Variants in TMEM117 observed in about 807,000 individuals in gnomAD.
The protein encoded by TMEM117 is transmembrane protein 117.
TMEM117 carries 27 observed loss-of-function variants against 52.4 expected under a neutral mutation model. The observed-to-expected ratio is 0.51, with a 90% CI of 0.38 to 0.71. The LOEUF (loss-of-function observed/expected upper bound fraction) is 0.71, where lower values mean the gene tolerates loss of function less well. TMEM117 is among the 30% of genes least tolerant of loss of function. TMEM117 has a pLI of 0.00. For synonymous variants in TMEM117, 215 were observed against 206.3 expected, an observed-to-expected ratio of 1.04 and a Z score of -0.36; for missense variants, 556 against 630.5, an observed-to-expected ratio of 0.88 and a Z score of 1.26.
At chr12:44,071,784 G>A (rs1379376377) in intron 3 of TMEM117, among the ~76,000 whole-genome samples, 1 of 152,128 alleles carries the variant, frequency 6.6e-6, no homozygotes, top group Non-Finnish European at 1.5e-5. Flanking sequence ...AATGGCATGT[G>A]TTGTGGCCTG....
At chr12:43,921,638 T>C (rs1009535838) in intron 2 of TMEM117, among the ~76,000 whole-genome samples, 9 of 152,238 alleles carry the variant, frequency 5.9e-5, no homozygotes, top group African/African-American at 1.9e-4. Flanking sequence ...TATTCTCATA[T>C]ATTAAATTTG....
At chr12:44,119,815 C>G (rs139614263) in intron 3 of TMEM117, among the ~76,000 whole-genome samples, 3 of 152,228 alleles carry the variant, frequency 2.0e-5, no homozygotes, top group Non-Finnish European at 2.9e-5. Flanking sequence ...GGCAATAGTA[C>G]CTCTTTAAAG....
At chr12:44,018,683 A>G (rs756821371) in intron 3 of TMEM117, among the ~76,000 whole-genome samples, 1 of 151,836 alleles carries the variant, frequency 6.6e-6, no homozygotes, top group South Asian at 2.1e-4. Context: ...ACTCTTGATA[A>G]TTAACTCTAC....
chr12:44,008,720 G>A (rs1310383769), intron 3 of TMEM117: 1 of 402,378 alleles, frequency 2.5e-6, no homozygotes, highest in Non-Finnish European at 4.9e-6. Context: ...TATGATACAA[G>A]TATAAGGCAG....
At chr12:44,210,250 A>T (rs1949627760) in intron 4 of TMEM117, among the ~76,000 whole-genome samples, 1 of 152,124 alleles carries the variant, frequency 6.6e-6, no homozygotes, top group Admixed American at 6.6e-5. Context: ...TGGGAGTGGA[A>T]AAAATGTGCA....
At chr12:44,334,893 C>G (rs1040873823) in intron 6 of TMEM117, among the ~76,000 whole-genome samples, 2 of 151,908 alleles carry the variant, frequency 1.3e-5, no homozygotes, top group South Asian at 2.1e-4. Flanking sequence ...TATAGAATGG[C>G]CTTTCACTGT....
intron 3 of TMEM117, among the ~76,000 whole-genome samples, chr12:44,031,288 T>C (rs1946629045): frequency 6.6e-6 from 1 of 152,208 alleles, no homozygotes; most frequent in Admixed American, 6.5e-5. Context: ...CATAAAATCA[T>C]TGTGTGCCAC....
At chr12:44,313,210 A>G (rs1458838305) in intron 6 of TMEM117, among the ~76,000 whole-genome samples, 1 of 152,028 alleles carries the variant, frequency 6.6e-6, no homozygotes, top group Non-Finnish European at 1.5e-5. Flanking sequence ...GTTATTTTCT[A>G]GGTTTTCTTT....
At chr12:44,337,598 A>G (rs1222997269) in intron 6 of TMEM117, among the ~76,000 whole-genome samples, 3 of 152,078 alleles carry the variant, frequency 2.0e-5, no homozygotes, top group Admixed American at 6.6e-5. Flanking sequence ...TAGACTGACA[A>G]TCTGACTCCA....
chr12:44,330,902 T>C (rs74699319), intron 6 of TMEM117, among the ~76,000 whole-genome samples: 4,250 of 152,156 alleles, frequency 0.028, 98 homozygotes, highest in African/African-American at 0.055. Flanking sequence ...TTTTGTTATA[T>C]TACTATAAGG....
At chr12:44,130,209 G>A (rs565945184) in intron 3 of TMEM117, among the ~76,000 whole-genome samples, 2 of 152,248 alleles carry the variant, frequency 1.3e-5, no homozygotes, top group South Asian at 2.1e-4. Context: ...TGTGAAGGCC[G>A]ATTGCACACA....
intron 3 of TMEM117, among the ~76,000 whole-genome samples, chr12:44,091,450 T>C (rs1409991742): frequency 6.6e-6 from 1 of 152,180 alleles, no homozygotes; most frequent in African/African-American, 2.4e-5. Context: ...GTTGGGCTCC[T>C]GATAGAAAGC....
chr12:44,265,478 AGGC>A, intron 5 of TMEM117, among the ~76,000 whole-genome samples: 1 of 152,198 alleles, frequency 6.6e-6, no homozygotes, highest in African/African-American at 2.4e-5. Flanking sequence ...TCCAGTTAGA[AGGC>A]TATGTCAGTG....
At chr12:44,171,760 A>G (rs1365307358) in intron 4 of TMEM117, among the ~76,000 whole-genome samples, 3 of 152,188 alleles carry the variant, frequency 2.0e-5, no homozygotes, top group Admixed American at 2.0e-4. Context: ...GATTACCATA[A>G]TAGGAAATAT....
In TMEM117 at chr12:44,160,292, T is replaced by C. The variant is rs144983045; in HGVS notation, c.510+16668T>C. Among the ~76,000 whole-genome samples the C allele has an allele frequency of 3.7e-3, 558 of 152,140 alleles. 3 individuals carry two copies. The highest frequency in any genetic ancestry group is 0.014 in the East Asian group (75 of 5,182). ...ACACATACACATATGTATATATATA[T>C]ACACACACACATATAACTCACAGAA... On this transcript the variant is annotated intron_variant, in intron 4 of 7. Transcript: ENST00000266534.
chr12:44,276,347 A>G (rs1241076315), intron 5 of TMEM117, among the ~76,000 whole-genome samples: 2 of 152,202 alleles, frequency 1.3e-5, no homozygotes, highest in African/African-American at 4.8e-5. Context: ...TTGCAACAAT[A>G]TGAATAAAGT....
At chr12:43,797,901 C>A in the TMEM117 span, 3 of 1,509,178 alleles carry the variant, frequency 2.0e-6, no homozygotes, top group Admixed American at 2.0e-5. Context: ...ATAAGAAAAC[C>A]CAACCTCTAT....
intron 3 of TMEM117, among the ~76,000 whole-genome samples, chr12:44,120,784 A>G (rs1285966566): frequency 2.0e-5 from 3 of 152,202 alleles, no homozygotes; most frequent in African/African-American, 7.2e-5. Flanking sequence ...GTGTTGGAAT[A>G]CAGACATTTA....
chr12:44,083,126 C>G (rs959752341), intron 3 of TMEM117, among the ~76,000 whole-genome samples: 1 of 152,042 alleles, frequency 6.6e-6, no homozygotes, highest in African/African-American at 2.4e-5. Context: ...ATATGTGCTG[C>G]TATGAATATT....
Sources: allele counts gnomAD v4.1 joint callset (sites outside exome capture counted in the v4.1 genomes callset), GRCh38; gene constraint gnomAD v4.1.1; transcripts MANE v1.5; gene names NCBI Gene and HGNC (gene_info 2026-07-23, HGNC 2026-07-21).